Variants in DLG2 observed in about 807,000 individuals in gnomAD.
DLG2 encodes the protein discs large MAGUK scaffold protein 2, also known as disks large homolog 2.
Under a neutral mutation model 132.5 loss-of-function variants are expected in DLG2, and 45 were observed. That is an observed-to-expected ratio of 0.34 (90% CI 0.27 to 0.44). The LOEUF (loss-of-function observed/expected upper bound fraction) is 0.44. Ranked by LOEUF, DLG2 falls within the 20% of genes least tolerant of loss-of-function variation. The pLI is 1.00. For synonymous variants in DLG2, 424 were observed against 419.6 expected (o/e 1.01, Z -0.13); for missense variants, 1,045 against 1,196.9 (o/e 0.87, Z 1.87).
chr11:84,048,672 G>T (rs774751978), intron 11 of DLG2, among the ~76,000 whole-genome samples: 1 of 151,698 alleles, frequency 6.6e-6, no homozygotes, highest in Non-Finnish European at 1.5e-5. Flanking sequence ...AAACGGTTGG[G>T]TGCCAGTAAT....
intron 11 of DLG2, among the ~76,000 whole-genome samples, chr11:83,980,901 G>A (rs1012261545): frequency 5.3e-5 from 8 of 152,172 alleles, no homozygotes; most frequent in African/African-American, 1.4e-4. Context: ...CCTAACTGCT[G>A]TTCCTCAGCT....
intron 6 of DLG2, among the ~76,000 whole-genome samples, chr11:84,895,439 G>T (rs1336646800): frequency 6.6e-6 from 1 of 152,038 alleles, no homozygotes; most frequent in Non-Finnish European, 1.5e-5. Context: ...ATCAAATAAG[G>T]TCATAAAAAT....
intron 14 of DLG2, among the ~76,000 whole-genome samples, chr11:83,936,325 G>T (rs1461377236): frequency 3.3e-5 from 5 of 152,158 alleles, no homozygotes; most frequent in African/African-American, 1.2e-4. Context: ...GGAGGTTGAT[G>T]ACCACTTTCT....
chr11:83,732,659 T>G (rs2091229931), intron 18 of DLG2, among the ~76,000 whole-genome samples: 1 of 152,228 alleles, frequency 6.6e-6, no homozygotes, highest in South Asian at 2.1e-4. Flanking sequence ...TATGTATTCA[T>G]TATCATGTGT....
At chr11:83,986,881 T>A (rs2093358114) in intron 11 of DLG2, among the ~76,000 whole-genome samples, 1 of 152,208 alleles carries the variant, frequency 6.6e-6, no homozygotes, top group South Asian at 2.1e-4. Flanking sequence ...TCTGTTCATG[T>A]CCTTTGCCCA....
chr11:85,168,331 T>C (rs1461833612), intron 4 of DLG2, among the ~76,000 whole-genome samples: 2 of 152,162 alleles, frequency 1.3e-5, no homozygotes, highest in African/African-American at 4.8e-5. Flanking sequence ...ATTTATTAAA[T>C]GCTCAATATG....
chr11:83,676,888 T>G (rs1018553395), intron 18 of DLG2, among the ~76,000 whole-genome samples: 2 of 152,172 alleles, frequency 1.3e-5, no homozygotes, highest in African/African-American at 4.8e-5. Flanking sequence ...ATCTTTGTTA[T>G]CTCATCACCC....
chr11:84,989,295 C>T (rs745477720), intron 6 of DLG2, among the ~76,000 whole-genome samples: 3 of 152,162 alleles, frequency 2.0e-5, no homozygotes, highest in Non-Finnish European at 4.4e-5. Flanking sequence ...CCTGTCTCAG[C>T]CTCCTGAGTA....
At chr11:83,806,834 G>A (rs913252946) in intron 17 of DLG2, among the ~76,000 whole-genome samples, 2 of 152,114 alleles carry the variant, frequency 1.3e-5, no homozygotes, top group African/African-American at 4.8e-5. Context: ...GCCAATTTCA[G>A]TGTCTAATAG....
At chr11:83,934,235 ATC>A in intron 14 of DLG2, among the ~76,000 whole-genome samples, 1 of 152,284 alleles carries the variant, frequency 6.6e-6, no homozygotes, top group South Asian at 2.1e-4. Flanking sequence ...TTATTTTCAC[ATC>A]TCTTTCATAT....
chr11:83,714,211 G>C (rs922268716), intron 18 of DLG2, among the ~76,000 whole-genome samples: 6 of 146,728 alleles, frequency 4.1e-5, no homozygotes, highest in African/African-American at 1.5e-4. Context: ...TTAAGAAAGA[G>C]AGAAAAGGAG....
At chr11:83,904,104 T>C (rs2074148009) in intron 15 of DLG2, among the ~76,000 whole-genome samples, 1 of 152,150 alleles carries the variant, frequency 6.6e-6, no homozygotes, top group Non-Finnish European at 1.5e-5. Flanking sequence ...ACTGCAACAG[T>C]TGATCTGGTC....
At chr11:84,796,476 C>A (rs1309698170) in intron 6 of DLG2, among the ~76,000 whole-genome samples, 1 of 152,144 alleles carries the variant, frequency 6.6e-6, no homozygotes, top group African/African-American at 2.4e-5. Flanking sequence ...TGTGTGCTTA[C>A]TATTACCAGT....
intron 6 of DLG2, among the ~76,000 whole-genome samples, chr11:84,835,772 A>G (rs1056177977): frequency 6.6e-6 from 1 of 151,762 alleles, no homozygotes; most frequent in Non-Finnish European, 1.5e-5. Context: ...TATTATATTA[A>G]ATATATTTTA....
intron 18 of DLG2, among the ~76,000 whole-genome samples, chr11:83,674,300 C>T (rs1166350384): frequency 2.6e-5 from 4 of 152,172 alleles, no homozygotes; most frequent in African/African-American, 9.7e-5. Context: ...AGCAGAAGCA[C>T]TGCCTGCAGC....
chr11:83,579,255 A>T (rs2096930180), intron 19 of DLG2, among the ~76,000 whole-genome samples: 1 of 152,258 alleles, frequency 6.6e-6, no homozygotes, highest in African/African-American at 2.4e-5. Context: ...TCTACACATT[A>T]ATTTCAAGTA....
At chr11:84,926,817 A>T (rs979870464) in intron 6 of DLG2, among the ~76,000 whole-genome samples, 34 of 152,078 alleles carry the variant, frequency 2.2e-4, no homozygotes, top group African/African-American at 8.0e-4. Context: ...GCACTCCATG[A>T]GCAAAAGTCA....
At chr11:84,641,065 G>C (rs943351338) in intron 6 of DLG2, among the ~76,000 whole-genome samples, 2 of 151,988 alleles carry the variant, frequency 1.3e-5, no homozygotes, top group African/African-American at 4.8e-5. Context: ...AACTGATCTG[G>C]GGAACCAGGT....
intron 4 of DLG2, among the ~76,000 whole-genome samples, chr11:85,284,483 T>C (rs2078433888): frequency 6.6e-6 from 1 of 151,830 alleles, no homozygotes; most frequent in Non-Finnish European, 1.5e-5. Flanking sequence ...TGAAAAATAG[T>C]GTGTGTGGGT....
Sources: gnomAD v4.1 joint callset for allele counts (sites outside exome capture counted in the v4.1 genomes callset) on GRCh38, gnomAD v4.1.1 for gene constraint, MANE v1.5 for transcripts, NCBI Gene and HGNC (gene_info 2026-07-23, HGNC 2026-07-21) for gene names.